The following TNR variants were observed in gnomAD, a reference collection of about 807,000 sequenced individuals.
The protein encoded by TNR is tenascin-R.
Under a neutral mutation model 150.4 loss-of-function variants are expected in TNR, and 45 were observed. The observed-to-expected ratio is 0.30, with a 90% CI of 0.24 to 0.38. The LOEUF is 0.38. TNR is among the 10% of genes least tolerant of loss of function. The probability of loss-of-function intolerance (pLI) is 1.00; values close to 1 mark genes in which losing one functional copy is unlikely to be tolerated. For synonymous variants in TNR, 687 were observed against 678.4 expected, an observed-to-expected ratio of 1.01 and a Z score of -0.20; for missense variants, 1,544 against 1,759.1, an observed-to-expected ratio of 0.88 and a Z score of 2.19.
At chr1:175,356,551 T>C in intron 15 of TNR, 89 bp from the exon 16 acceptor site, 1 of 1,517,500 alleles carries the variant, frequency 6.6e-7, no homozygotes, top group African/African-American at 1.4e-5. Context: ...CACATGGATT[T>C]ACTACTAGAG....
At chr1:175,653,032 C>T (rs569600305) in intron 1 of TNR, among the ~76,000 whole-genome samples, 2 of 152,286 alleles carry the variant, frequency 1.3e-5, no homozygotes, top group East Asian at 3.9e-4. Context: ...AAGTCCGACA[C>T]CATCAGGGAG....
chr1:175,439,420 C>G (rs2102079263), intron 2 of TNR, among the ~76,000 whole-genome samples: 1 of 151,916 alleles, frequency 6.6e-6, no homozygotes, highest in Admixed American at 6.5e-5. Context: ...ACCATAAAAA[C>G]CCTAGAAGAA....
intron 2 of TNR, among the ~76,000 whole-genome samples, chr1:175,493,339 A>C (rs1658340180): frequency 6.6e-6 from 1 of 152,256 alleles, no homozygotes; most frequent in Non-Finnish European, 1.5e-5. Flanking sequence ...AGGAAGTTTT[A>C]GAAGAAATGC....
intron 2 of TNR, among the ~76,000 whole-genome samples, chr1:175,524,458 A>T (rs1333347709): frequency 6.6e-6 from 1 of 152,016 alleles, no homozygotes; most frequent in Non-Finnish European, 1.5e-5. Flanking sequence ...TATTGTTTAC[A>T]AGCAGAAGAA....
intron 2 of TNR, among the ~76,000 whole-genome samples, chr1:175,447,011 A>G (rs1409468997): frequency 6.6e-6 from 1 of 152,132 alleles, no homozygotes; most frequent in East Asian, 1.9e-4. Flanking sequence ...ATGTTTACAT[A>G]TATGTGTGGT....
At chr1:175,362,559 C>G in intron 14 of TNR, 104 bp downstream of exon 14, 1 of 1,454,126 alleles carries the variant, frequency 6.9e-7, no homozygotes, top group Non-Finnish European at 9.3e-7. Flanking sequence ...GAGGAGCACC[C>G]CGAAATGGAG....
chr1:175,430,998 C>T (rs1655238361), intron 2 of TNR, among the ~76,000 whole-genome samples: 1 of 152,190 alleles, frequency 6.6e-6, no homozygotes, highest in African/African-American at 2.4e-5. Context: ...CATATCTATA[C>T]ATGGGCTAGG....
intron 1 of TNR, among the ~76,000 whole-genome samples, chr1:175,679,112 C>T (rs1287679411): frequency 1.3e-5 from 2 of 152,210 alleles, no homozygotes; most frequent in Non-Finnish European, 2.9e-5. Flanking sequence ...AGTGAATTCT[C>T]TATATTTTAC....
At chr1:175,483,956 C>T (rs1047482529) in intron 2 of TNR, among the ~76,000 whole-genome samples, 1 of 152,214 alleles carries the variant, frequency 6.6e-6, no homozygotes, top group East Asian at 1.9e-4. Context: ...CAGCACTACC[C>T]TAACCCTCAC....
chr1:175,575,187 A>G (rs572668394), intron 1 of TNR, among the ~76,000 whole-genome samples: 5 of 152,214 alleles, frequency 3.3e-5, no homozygotes, highest in African/African-American at 1.2e-4. Flanking sequence ...AGCAATATTC[A>G]AGTTGGTGGC....
At chr1:175,709,983 G>A (rs542418163) in intron 1 of TNR, among the ~76,000 whole-genome samples, 9 of 152,186 alleles carry the variant, frequency 5.9e-5, no homozygotes, top group African/African-American at 1.7e-4. Flanking sequence ...TCGAAGCCAC[G>A]TTAGGGATTT....
rs773696066 is a variant in TNR, at chr1:175,660,501, GTC to G, written c.-165+82723_-165+82724del. Among the ~76,000 whole-genome samples the G allele has an allele frequency of 1.6e-4, 24 of 152,216 alleles. 2 individuals carry two copies. The highest frequency in any genetic ancestry group is 1.3e-3 in the East Asian group (7 of 5,194). On this transcript the variant is annotated intron_variant, in intron 1 of 22. Transcript: ENST00000367674. ...TCCTCTCATCTTTCTGTGTGCCTCA[GTC>G]TCTCTCAGTAAAATGCCCTGTATAG...
rs777039468 is a variant in TNR, at chr1:175,406,444, C to G, written c.271G>C (p.Val91Leu). The G allele has an allele frequency of 6.2e-7, 1 of 1,614,194 alleles. No homozygotes were observed. The highest frequency in any genetic ancestry group is 1.7e-5 in the Admixed American group (1 of 60,026). ...GCCAGAGTCTCGTCTTCTGCACTCACCTCCTGCTCAGCAGAGGCCTCTAGC... is the reference window on the plus strand; with the variant it reads ...GCCAGAGTCTCGTCTTCTGCACTCAGCTCCTGCTCAGCAGAGGCCTCTAGC... ...SGLEASAEQE[V>L]SAEDETLAEY... Residue 91 changes from valine (V) to leucine (L), a missense_variant, in exon 3 of 23, where the codon GTG (valine) becomes CTG (leucine). Physicochemically the swap from Val to Leu is conservative, Grantham distance 32. This residue lies in a region of TNR where 1,254 missense variants were observed against 1,329.4 expected (regional missense o/e 0.94). Transcript: ENST00000367674.
intron 1 of TNR, among the ~76,000 whole-genome samples, chr1:175,697,459 A>G (rs2101923960): frequency 6.6e-6 from 1 of 151,962 alleles, no homozygotes; most frequent in South Asian, 2.1e-4. Flanking sequence ...ACAGAAATAC[A>G]TCATCACTTG....
chr1:175,477,923 T>A (rs1048610839), intron 2 of TNR, among the ~76,000 whole-genome samples: 6 of 152,190 alleles, frequency 3.9e-5, no homozygotes, highest in African/African-American at 9.7e-5. Flanking sequence ...CTAGTGTGGA[T>A]CTTTGCAAAG....
intron 2 of TNR, among the ~76,000 whole-genome samples, chr1:175,436,997 G>A (rs1297384206): frequency 6.6e-6 from 1 of 152,108 alleles, no homozygotes; most frequent in East Asian, 1.9e-4. Context: ...GGATATCCAG[G>A]AATTGAACTC....
intron 1 of TNR, among the ~76,000 whole-genome samples, chr1:175,600,565 T>C (rs951015055): frequency 4.6e-5 from 7 of 152,206 alleles, no homozygotes; most frequent in African/African-American, 1.7e-4. Context: ...CCCACAGGGT[T>C]TGCACGTAAA....
rs1250253678 is a variant in TNR, at chr1:175,317,406, A to G, written c.*5951T>C. ...ATCCAGCTCTGAAAGTGTATTTCCA[A>G]CATTTGCCTGTTGGAGGCAGTGTTG... is the stretch of plus-strand genomic sequence containing the variant. On this transcript the variant is annotated 3_prime_UTR_variant, in exon 23 of 23. Coordinates refer to ENST00000367674, the MANE Select transcript of TNR (RefSeq NM_003285.3). The G allele has an allele frequency of 6.6e-6, 1 of 152,232 alleles. No individual in the cohort carries two copies. Among genetic ancestry groups the G allele is most frequent in the Non-Finnish European group, 1.5e-5 (1 of 68,036 alleles). 9.4% of individuals were successfully genotyped at this position (152,232 alleles called of 1,614,324 possible). A position where few individuals can be genotyped will look rare whatever the true frequency, so the allele number is the denominator to read the frequency against.
intron 9 of TNR, among the ~76,000 whole-genome samples, chr1:175,369,463 A>G (rs1285917257): frequency 1.1e-4 from 17 of 152,078 alleles, no homozygotes; most frequent in Non-Finnish European, 1.0e-4. Flanking sequence ...CTCTTCTTAT[A>G]AACACACCAG....
Sources: allele counts gnomAD v4.1 joint callset (sites outside exome capture counted in the v4.1 genomes callset), GRCh38; gene constraint gnomAD v4.1.1; regional missense constraint gnomAD v4.1.1; transcripts MANE v1.5; gene names NCBI Gene and HGNC (gene_info 2026-07-23, HGNC 2026-07-21).